The following SGO2 variants were observed in gnomAD, a reference collection of about 807,000 sequenced individuals.
SGO2 encodes shugoshin-like 2.
In SGO2, 68 loss-of-function variants were observed where a neutral mutation model predicts 99.5. That is an observed-to-expected ratio of 0.68 (90% confidence interval 0.56 to 0.84). SGO2 has a LOEUF of 0.84. Ranked by LOEUF, SGO2 falls within the 40% of genes least tolerant of loss-of-function variation. SGO2 has a pLI of 0.00. For synonymous variants in SGO2, 457 were observed against 487.1 expected, an observed-to-expected ratio of 0.94 and a Z score of 0.81; for missense variants, 1,350 against 1,436.7, an observed-to-expected ratio of 0.94 and a Z score of 0.97.
intron 5 of SGO2, among the ~76,000 whole-genome samples, chr2:200,561,364 G>T (rs896840365): frequency 2.0e-5 from 3 of 152,304 alleles, no homozygotes; most frequent in Non-Finnish European, 4.4e-5. Context: ...TCCCTACAAA[G>T]GACATGAACT....
At chr2:200,579,379 A>G (rs112736137) in intron 8 of SGO2, among the ~76,000 whole-genome samples, 1 of 152,192 alleles carries the variant, frequency 6.6e-6, no homozygotes, top group African/African-American at 2.4e-5. Context: ...TTGGCTAATA[A>G]CTCAGGTACA....
In SGO2 at chr2:200,571,265, T is replaced by G. The variant is rs1275498010; in HGVS notation, c.919T>G (p.Cys307Gly). ...KQHISSPELN[C>G]NNEINGHTNE... ...ACACATTTCAAGTCCAGAATTAAAT[T>G]GCAATAATGAGATAAATGGTCATAC... Residue 307 changes from cysteine (C) to glycine (G), a missense_variant, in exon 7 of 9, where the codon TGC becomes GGC. Physicochemically the swap from Cys to Gly is radical, Grantham distance 159. Transcript: ENST00000357799. 5 of 1,613,340 alleles carry G rather than the reference T, an allele frequency of 3.1e-6. No homozygotes were observed. Among genetic ancestry groups the G allele is most frequent in the Non-Finnish European group, 4.2e-6 (5 of 1,179,534 alleles).
Position 200,573,455 on chromosome 2 carries a change from C to T in SGO2, c.3109C>T (p.Pro1037Ser). 3.1e-6 allele frequency: 5 copies of T among 1,610,414 alleles called. No homozygotes were observed. Among genetic ancestry groups the T allele is most frequent in the Non-Finnish European group, 4.2e-6 (5 of 1,178,806 alleles). Residue 1037 changes from proline (P) to serine (S), a missense_variant, in exon 7 of 9, where the codon CCA (proline) becomes TCA (serine). Pro to Ser is a moderately conservative substitution (Grantham distance 74, BLOSUM62 -1). Coordinates refer to ENST00000357799, the MANE Select transcript of SGO2 (RefSeq NM_152524.6). ...TSEADSDPGN[P>S]VELCKTQKQS... ...TGAAGCAGATTCTGATCCAGGAAAC[C>T]CAGTTGAACTATGTAAGACTCAGAA...
chr2:200,532,281 TTTG>T lies in SGO2; in HGVS notation c.-2-690_-2-688del, dbSNP rs1559196924. On this transcript the variant is annotated intron_variant, in intron 1 of 8. Transcript: ENST00000357799. ...GGTGACAGAGTTTTTTGTTTTTTTTTTTGTTTTTTTTTTTTTTTCAGATCTCTT... is the reference window on the plus strand; with the variant it reads ...GGTGACAGAGTTTTTTGTTTTTTTTTTTTTTTTTTTTTTTTCAGATCTCTT... The T allele has an allele frequency of 6.8e-5, 28 of 410,614 alleles. 2 individuals carry two copies. Among genetic ancestry groups the T allele is most frequent in the East Asian group, 1.7e-4 (1 of 6,036 alleles). The allele number at this position is 410,614 out of a possible 1,614,324, so 25.4% of individuals were successfully genotyped here.
At chr2:200,575,223 G>A (rs1399157533) in intron 7 of SGO2, 88 bp from the exon 8 acceptor site, 11 of 663,796 alleles carry the variant, frequency 1.7e-5, no homozygotes, top group Admixed American at 3.9e-5. Context: ...ATTTGCTGTG[G>A]TGATTTGCAG....
intron 5 of SGO2, among the ~76,000 whole-genome samples, chr2:200,546,531 CA>C (rs1484137973): frequency 6.6e-6 from 1 of 151,890 alleles, no homozygotes; most frequent in African/African-American, 2.4e-5. Flanking sequence ...GGACAAAAAG[CA>C]GAAATTTAGT....
chr2:200,535,399 T>G (rs1241955475), intron 3 of SGO2, among the ~76,000 whole-genome samples: 1 of 152,172 alleles, frequency 6.6e-6, no homozygotes, highest in Non-Finnish European at 1.5e-5. Flanking sequence ...ACCAGTATAA[T>G]ACTTTGACCA....
In SGO2 at chr2:200,570,594, A is replaced by G. The variant is rs2033371430; in HGVS notation, c.704-456A>G. 6.7e-6 allele frequency among the ~76,000 whole-genome samples: 1 copy of G among 149,904 alleles called. No homozygotes were observed. The highest frequency in any genetic ancestry group is 1.5e-5 in the Non-Finnish European group (1 of 67,312). On this transcript the variant is annotated intron_variant, in intron 6 of 8. Coordinates refer to ENST00000357799, the MANE Select transcript of SGO2 (RefSeq NM_152524.6). This position sits in a 1 kb window ranked among gnomAD's most constrained non-coding sequence, Gnocchi z 4.4. Reference sequence around the variant, plus strand: ...TATACATATAATGTATACAGTATACATATATACATGTGTGTATATATTTAC... The same window carrying G: ...TATACATATAATGTATACAGTATACGTATATACATGTGTGTATATATTTAC...
chr2:200,535,223 C>T, intron 3 of SGO2, 52 bp downstream of exon 3: 2 of 1,363,696 alleles, frequency 1.5e-6, no homozygotes, highest in Middle Eastern at 2.6e-4. Context: ...AATCTTTTAG[C>T]TGCATTATTA....
At chr2:200,562,913 C>A (rs1348225536) in intron 5 of SGO2, among the ~76,000 whole-genome samples, 1 of 152,070 alleles carries the variant, frequency 6.6e-6, no homozygotes, top group East Asian at 1.9e-4. Flanking sequence ...GATTTTGTAT[C>A]CTGAGACTTT....
At chr2:200,529,541 G>A (rs2031267100) in intron 1 of SGO2, among the ~76,000 whole-genome samples, 1 of 151,824 alleles carries the variant, frequency 6.6e-6, no homozygotes, top group East Asian at 1.9e-4. Flanking sequence ...TTTTGTTTTT[G>A]AGACGGAGTC....
At position 200,572,677 on chromosome 2, in the gene SGO2, G is replaced by A. The variant is rs886679095; in HGVS notation, c.2331G>A (p.Leu777=). The part of the protein sequence containing the change: ...PALSTKDSGN[L]YDSEIQNVLG... ...TTTCTACCAAAGATAGTGGAAACCT[G>A]TATGATTCTGAGATTCAAAATGTTT... The change falls in exon 7 of 9, where the codon CTG becomes CTA. Residue 777 remains leucine (L), a synonymous_variant. Coordinates refer to ENST00000357799, the MANE Select transcript of SGO2 (RefSeq NM_152524.6). 5.0e-6 allele frequency: 8 copies of A among 1,612,190 alleles called. No individual in the cohort carries two copies. In the Middle Eastern group the frequency reaches 8.3e-4, roughly 167 times the overall value.
chr2:200,581,436 A>G (rs1464430862), intron 8 of SGO2, among the ~76,000 whole-genome samples: 1 of 152,078 alleles, frequency 6.6e-6, no homozygotes, highest in East Asian at 1.9e-4. Flanking sequence ...ATTTTGGATT[A>G]TGGCCTTTAT....
chr2:200,566,423 C>A (rs1029091669), intron 5 of SGO2, among the ~76,000 whole-genome samples: 1 of 152,144 alleles, frequency 6.6e-6, no homozygotes, highest in Non-Finnish European at 1.5e-5. Flanking sequence ...TCTGATCGTT[C>A]CTCTGGAAGC....
chr2:200,551,072 G>C (rs2032464701), intron 5 of SGO2, among the ~76,000 whole-genome samples: 1 of 151,576 alleles, frequency 6.6e-6, no homozygotes, highest in African/African-American at 2.4e-5. Flanking sequence ...CAGCATGGAG[G>C]TTCTTCAAAA....
At chr2:200,562,118 T>C (rs1228729847) in intron 5 of SGO2, among the ~76,000 whole-genome samples, 1 of 152,264 alleles carries the variant, frequency 6.6e-6, no homozygotes, top group Admixed American at 6.5e-5. Flanking sequence ...GTTTTAGTCA[T>C]GAAGTCCTTG....
At chr2:200,567,510 C>A (rs1269946963) in intron 5 of SGO2, among the ~76,000 whole-genome samples, 1 of 152,086 alleles carries the variant, frequency 6.6e-6, no homozygotes. Context: ...GTATACAGTG[C>A]AGTGGTTTTA....
intron 5 of SGO2, among the ~76,000 whole-genome samples, chr2:200,549,822 G>A (rs1439646469): frequency 6.6e-6 from 1 of 152,168 alleles, no homozygotes; most frequent in Non-Finnish European, 1.5e-5. Flanking sequence ...AACAAGACAA[G>A]AATGCCCACT....
rs1022914887 is a variant in SGO2, at chr2:200,573,770, A to G, written c.3424A>G (p.Ile1142Val). 1.9e-6 allele frequency: 3 copies of G among 1,612,064 alleles called. No individual in the cohort carries two copies. The highest frequency in any genetic ancestry group is 2.5e-6 in the Non-Finnish European group (3 of 1,179,122). Residue 1142 changes from isoleucine (I) to valine (V), a missense_variant, in exon 7 of 9, where the codon ATA (isoleucine) becomes GTA (valine). Ile to Val is a conservative substitution (Grantham distance 29). Transcript: ENST00000357799. Reference protein sequence around the residue: ...YTKAFRSLSEIHSPNIQDSSF... With the variant: ...YTKAFRSLSEVHSPNIQDSSF... Reference sequence around the variant, plus strand: ...AAAGGCATTTAGATCTTTGTCTGAGATACATTCACCTAACATACAAGATTC... The same window carrying G: ...AAAGGCATTTAGATCTTTGTCTGAGGTACATTCACCTAACATACAAGATTC...
Sources: gnomAD v4.1 joint callset for allele counts (sites outside exome capture counted in the v4.1 genomes callset) on GRCh38, gnomAD v4.1.1 for gene constraint, Gnocchi (gnomAD v3.1) non-coding constraint, MANE v1.5 for transcripts, NCBI Gene and HGNC (gene_info 2026-07-23, HGNC 2026-07-21) for gene names.